The following OVCH1 variants were observed in gnomAD, a reference collection of about 807,000 sequenced individuals.
OVCH1 encodes the protein ovochymase-1.
Under a neutral mutation model 138.4 loss-of-function variants are expected in OVCH1, and 139 were observed. The observed-to-expected ratio is 1.00, with a 90% CI of 0.87 to 1.16. The LOEUF (loss-of-function observed/expected upper bound fraction) is 1.16. Ranked by LOEUF, OVCH1 falls within the 50% of genes most tolerant of loss-of-function variation. OVCH1 has a pLI of 0.00. For synonymous variants in OVCH1, 453 were observed against 467.8 expected (o/e 0.97, Z 0.41); for missense variants, 1,367 against 1,357.9 (o/e 1.01, Z -0.11).
intron 27 of OVCH1, among the ~76,000 whole-genome samples, chr12:29,427,826 G>A (rs1011700721): frequency 5.3e-5 from 8 of 152,124 alleles, no homozygotes; most frequent in Non-Finnish European, 1.2e-4. Context: ...AAAATTGTGC[G>A]AGCTCACAAA....
At chr12:29,445,102 C>T (rs1301475321) in intron 23 of OVCH1, among the ~76,000 whole-genome samples, 176 bp downstream of exon 23, 1 of 152,050 alleles carries the variant, frequency 6.6e-6, no homozygotes, top group Non-Finnish European at 1.5e-5. Context: ...AGCAGTTTCC[C>T]TTTTGGACCT....
chr12:29,416,308 A>C (rs1235640509), intron 3 of OVCH1, among the ~76,000 whole-genome samples: 1 of 152,074 alleles, frequency 6.6e-6, no homozygotes, highest in African/African-American at 2.4e-5. Flanking sequence ...TGAACGGAGC[A>C]ATTGGACTTC....
At chr12:29,474,105 A>ACACACACACACGT (rs61484228) in intron 14 of OVCH1, among the ~76,000 whole-genome samples, 1 of 143,344 alleles carries the variant, frequency 7.0e-6, no homozygotes, top group Non-Finnish European at 1.5e-5. Context: ...ACACACACAC[A>ACACACACACACGT]TATATATATC....
rs10771534 is a variant in OVCH1, at chr12:29,442,366, T to A, written c.3157+995A>T. Among the ~76,000 whole-genome samples the A allele has an allele frequency of 3.9e-3, 545 of 140,294 alleles. 4 individuals carry two copies. The highest frequency in any genetic ancestry group is 7.0e-3 in the Admixed American group (96 of 13,766). The allele number at this position is 140,294 out of a possible 152,430, so 92.0% of individuals were successfully genotyped here. ...AAATCATCATTCTCAGTAAACTATCTCAAGAACAAAAAACCAAACACCGCA... is the reference window on the plus strand; with the variant it reads ...AAATCATCATTCTCAGTAAACTATCACAAGAACAAAAAACCAAACACCGCA... On this transcript the variant is annotated intron_variant, in intron 25 of 27. Coordinates refer to ENST00000318184, the Ensembl canonical transcript of OVCH1.
chr12:29,409,180 C>T (rs1592017277), downstream of OVCH1, among the ~76,000 whole-genome samples: 1 of 152,062 alleles, frequency 6.6e-6, no homozygotes, highest in East Asian at 1.9e-4. Flanking sequence ...TTTATTGCGT[C>T]TATTTGATTC....
intron 2 of OVCH1, 67 bp downstream of exon 2, chr12:29,496,489 G>T: frequency 7.1e-7 from 1 of 1,409,326 alleles, no homozygotes; most frequent in Non-Finnish European, 9.8e-7. Context: ...GTGCATTCTT[G>T]CTTTCGAAAC....
chr12:29,484,410 T>A (rs553712536), intron 8 of OVCH1, among the ~76,000 whole-genome samples: 1 of 152,310 alleles, frequency 6.6e-6, no homozygotes, highest in African/African-American at 2.4e-5. Context: ...GGTTGATGAT[T>A]TACATGAGTG....
At chr12:29,445,394 T>C (rs1941585510) in exon 23 of OVCH1, 4 of 1,607,402 alleles carry the variant, frequency 2.5e-6, no homozygotes, top group African/African-American at 2.7e-5. Context: ...TCTTCTTCCA[T>C]GTAATCCACC....
chr12:29,462,062 G>T, intron 18 of OVCH1, 54 bp from the exon 19 acceptor site: 2 of 1,560,088 alleles, frequency 1.3e-6, no homozygotes, highest in Non-Finnish European at 1.8e-6. Flanking sequence ...AGAAAGTGTT[G>T]TTAGAAATGT....
chr12:29,455,111 A>AT, intron 20 of OVCH1, 138 bp downstream of exon 20: 1 of 1,196,234 alleles, frequency 8.4e-7, no homozygotes, highest in Non-Finnish European at 1.2e-6. Flanking sequence ...AGAATCTTGC[A>AT]TTTTAGTGTG....
At chr12:29,453,350 G>T (rs1367921322) in intron 21 of OVCH1, among the ~76,000 whole-genome samples, 1 of 152,052 alleles carries the variant, frequency 6.6e-6, no homozygotes, top group Non-Finnish European at 1.5e-5. Flanking sequence ...CACTTTTCCT[G>T]TCATAATTCT....
chr12:29,422,249 G>C (rs1192253050), intron 3 of OVCH1, among the ~76,000 whole-genome samples: 1 of 152,108 alleles, frequency 6.6e-6, no homozygotes, highest in Non-Finnish European at 1.5e-5. Flanking sequence ...AGAATGAAGG[G>C]TCAATTTAGA....
intron 7 of OVCH1, 107 bp from the exon 8 acceptor site, chr12:29,486,455 A>G (rs1027458293): frequency 2.3e-6 from 2 of 881,052 alleles, no homozygotes; most frequent in African/African-American, 3.4e-5. Flanking sequence ...AACTTCTACT[A>G]AAATCAATGC....
At chr12:29,482,722 T>C (rs1942974040) in intron 8 of OVCH1, among the ~76,000 whole-genome samples, 1 of 152,256 alleles carries the variant, frequency 6.6e-6, no homozygotes, top group Non-Finnish European at 1.5e-5. Context: ...CTATATGCGA[T>C]GGCATTTGAT....
intron 12 of OVCH1, among the ~76,000 whole-genome samples, chr12:29,476,749 A>ACGCGCGCGCGCG (rs145053170): frequency 2.3e-4 from 4 of 17,198 alleles, no homozygotes; most frequent in African/African-American, 4.2e-4. Context: ...ATAAGTACAC[A>ACGCGCGCGCGCG]CGCGCGCACA....
At chr12:29,496,710 G>A in intron 1 of OVCH1, 36 bp from the exon 2 acceptor site, 2 of 1,446,492 alleles carry the variant, frequency 1.4e-6, no homozygotes, top group East Asian at 2.3e-5. Context: ...CACACACAGA[G>A]CCTTATGTAA....
intron 8 of OVCH1, among the ~76,000 whole-genome samples, chr12:29,482,070 T>C (rs986770936): frequency 2.0e-5 from 3 of 152,200 alleles, no homozygotes; most frequent in African/African-American, 4.8e-5. Context: ...AGTGATCTTT[T>C]AAAAATGTGT....
At chr12:29,440,722 G>T (rs1455597074) in intron 25 of OVCH1, 1 of 455,940 alleles carries the variant, frequency 2.2e-6, no homozygotes, top group South Asian at 1.5e-5. Flanking sequence ...AACCAAGAAA[G>T]CTCAGTGCTC....
At chr12:29,438,345 T>C (rs1285715575) in intron 26 of OVCH1, among the ~76,000 whole-genome samples, 1 of 152,144 alleles carries the variant, frequency 6.6e-6, no homozygotes, top group East Asian at 1.9e-4. Flanking sequence ...GAGTATACTT[T>C]AATATCTGAT....
Sources: gnomAD v4.1 joint callset for allele counts (sites outside exome capture counted in the v4.1 genomes callset) on GRCh38, gnomAD v4.1.1 for gene constraint, MANE v1.5 for transcripts, NCBI Gene and HGNC (gene_info 2026-07-23, HGNC 2026-07-21) for gene names.